GLI3: variants seen among roughly 807,000 people sequenced by gnomAD.
GLI3 encodes the protein GLI family zinc finger 3.
GLI3 carries 20 observed loss-of-function variants against 100.8 expected under a neutral mutation model. That is an observed-to-expected ratio of 0.20 (90% CI 0.14 to 0.29). GLI3 has a LOEUF of 0.29. Ranked by LOEUF, GLI3 falls within the 10% of genes least tolerant of loss-of-function variation. The pLI, the probability that GLI3 is intolerant of heterozygous loss-of-function variation, is 1.00. For synonymous variants in GLI3, 938 were observed against 860.5 expected, an observed-to-expected ratio of 1.09 and a Z score of -1.58; for missense variants, 2,040 against 2,128.5, an observed-to-expected ratio of 0.96 and a Z score of 0.82.
chr7:42,067,402 A>G (rs1363515472), intron 4 of GLI3, among the ~76,000 whole-genome samples: 1 of 152,226 alleles, frequency 6.6e-6, no homozygotes, highest in Non-Finnish European at 1.5e-5. Context: ...TATTCAAGCA[A>G]CATGGTTTGG....
At chr7:42,098,459 G>C (rs904831461) in intron 3 of GLI3, among the ~76,000 whole-genome samples, 3 of 152,004 alleles carry the variant, frequency 2.0e-5, no homozygotes, top group Admixed American at 1.3e-4. Flanking sequence ...CTGTTTCATG[G>C]GGCTCCTATT....
At chr7:42,092,831 A>ATTTATTTATTTATT (rs1562725064) in intron 3 of GLI3, among the ~76,000 whole-genome samples, 29 of 149,660 alleles carry the variant, frequency 1.9e-4, no homozygotes, top group African/African-American at 6.8e-4. Context: ...ATGTATTTAT[A>ATTTATTTATTTATT]GAGACGGAGT....
intron 4 of GLI3, among the ~76,000 whole-genome samples, chr7:42,049,713 C>G (rs1205873079): frequency 6.6e-6 from 1 of 152,004 alleles, no homozygotes; most frequent in Non-Finnish European, 1.5e-5. Context: ...CTAGAATGGC[C>G]AGTCTGCATA....
intron 4 of GLI3, among the ~76,000 whole-genome samples, chr7:42,075,047 A>T (rs890544900): frequency 6.6e-6 from 1 of 152,120 alleles, no homozygotes; most frequent in Non-Finnish European, 1.5e-5. Flanking sequence ...ACCACGGGCC[A>T]ATGCAGGTCA....
intron 3 of GLI3, among the ~76,000 whole-genome samples, chr7:42,135,011 A>C (rs902679368): frequency 6.6e-6 from 1 of 152,180 alleles, no homozygotes; most frequent in Admixed American, 6.5e-5. Flanking sequence ...TAAATTTGCC[A>C]TGGAGTCAAA....
At position 42,092,425 on chromosome 7, in the gene GLI3, G is replaced by A. The variant is rs575907482; in HGVS notation, c.368-15568C>T. On this transcript the variant is annotated intron_variant, in intron 3 of 14. Transcript: ENST00000395925. ...TCAAGACAAGAACCAGGGCAGGAGC[G>A]CAAAGCCCGTGGTGTGCTGTCAGGA... is the stretch of plus-strand genomic sequence containing the variant. Among the ~76,000 whole-genome samples, 9 of 152,298 alleles carry A rather than the reference G, an allele frequency of 5.9e-5. No homozygotes were observed. The South Asian group carries it at 1.5e-3, about 25-fold the overall frequency.
At chr7:42,172,768 T>C in intron 2 of GLI3, 1 of 615,736 alleles carries the variant, frequency 1.6e-6, no homozygotes, top group South Asian at 1.9e-5. Flanking sequence ...ACTTGGCTAT[T>C]ATCACCTTCT....
Position 42,006,756 on chromosome 7 carries a change from C to T in GLI3, c.1497+16712G>A, listed in dbSNP as rs1039017885. Among the ~76,000 whole-genome samples, 10 of 152,088 alleles carry T rather than the reference C, an allele frequency of 6.6e-5. No individual in the cohort carries two copies. The South Asian group carries it at 2.1e-3, about 32-fold the overall frequency. On this transcript the variant is annotated intron_variant, in intron 10 of 14. Coordinates refer to ENST00000395925, the MANE Select transcript of GLI3 (RefSeq NM_000168.6). ...AGAGCCCAAGTTTCTCAGGGGGAGA[C>T]ATTTCTGACACTTACAGGATCCCTA... is the stretch of plus-strand genomic sequence containing the variant.
rs913034015 is a variant in GLI3 at position 42,008,372 on chromosome 7, T to C, written c.1497+15096A>G. Among the ~76,000 whole-genome samples the C allele has an allele frequency of 2.0e-5, 3 of 152,212 alleles. No individual in the cohort carries two copies. The East Asian group carries it at 5.8e-4, about 29-fold the overall frequency. ...CAGGACAGCCAACCACCAACAAATA[T>C]TTGAAAGCAGTTATCATGTCCCTTG... On this transcript the variant is annotated intron_variant, in intron 10 of 14. Coordinates refer to ENST00000395925, the MANE Select transcript of GLI3 (RefSeq NM_000168.6).
intron 3 of GLI3, among the ~76,000 whole-genome samples, chr7:42,116,819 T>C (rs1562739061): frequency 2.0e-5 from 3 of 151,792 alleles, no homozygotes; most frequent in Admixed American, 6.6e-5. Context: ...CATAATTTAA[T>C]AAGAGGTCTC....
At chr7:42,191,485 TC>T (rs1787826165) in intron 2 of GLI3, among the ~76,000 whole-genome samples, 1 of 151,970 alleles carries the variant, frequency 6.6e-6, no homozygotes, top group Admixed American at 6.6e-5. Context: ...AAGCCCCATC[TC>T]TACTAAAAAT....
chr7:42,084,407 T>A (rs1378632457), intron 3 of GLI3, among the ~76,000 whole-genome samples: 1 of 152,178 alleles, frequency 6.6e-6, no homozygotes, highest in Non-Finnish European at 1.5e-5. Context: ...ACTTCTTCTG[T>A]CCGTAAGTCT....
chr7:41,998,926 C>T (rs1788206981), intron 10 of GLI3, among the ~76,000 whole-genome samples: 1 of 152,222 alleles, frequency 6.6e-6, no homozygotes, highest in Non-Finnish European at 1.5e-5. Flanking sequence ...TGTGTTTTCC[C>T]CCACACAGCC....
intron 6 of GLI3, among the ~76,000 whole-genome samples, chr7:42,042,758 C>T (rs1009140157): frequency 6.6e-6 from 1 of 152,136 alleles, no homozygotes; most frequent in South Asian, 2.1e-4. Context: ...TTGCTCATAG[C>T]CTGGCTGGAA....
At chr7:42,147,730 A>G (rs970393127) in intron 3 of GLI3, among the ~76,000 whole-genome samples, 8 of 152,244 alleles carry the variant, frequency 5.3e-5, no homozygotes, top group African/African-American at 1.9e-4. Flanking sequence ...ATTTTAAGGA[A>G]TTTAGCACAG....
chr7:42,258,284 A>T (rs1789106375), intron 1 of GLI3, among the ~76,000 whole-genome samples: 1 of 152,222 alleles, frequency 6.6e-6, no homozygotes, highest in Non-Finnish European at 1.5e-5. Context: ...CTGTATGACC[A>T]ACATTTTTAG....
chr7:42,148,308 T>G lies in GLI3; in HGVS notation c.285A>C (p.Pro95=), dbSNP rs769317652. Residue 95 remains proline, a synonymous_variant, in exon 3 of 15, where the codon CCA becomes CCC. Coordinates refer to ENST00000395925, the MANE Select transcript of GLI3 (RefSeq NM_000168.6). ...ACGGCACAGAGGGCTCCGCCACGTG[T>G]GGCAGGGACCCATGGATCTCTTTCT... ...LIKKEIHGSL[P]HVAEPSVPYR... 1.2e-6 allele frequency: 2 copies of G among 1,613,514 alleles called. No individual in the cohort carries two copies.
chr7:41,996,815 G>A (rs1392874057), intron 10 of GLI3, among the ~76,000 whole-genome samples: 1 of 152,080 alleles, frequency 6.6e-6, no homozygotes, highest in Non-Finnish European at 1.5e-5. Context: ...ATGCTTGGGG[G>A]AATTTTCAGG....
chr7:42,066,246 A>T (rs1034456291), intron 4 of GLI3, among the ~76,000 whole-genome samples: 3 of 152,152 alleles, frequency 2.0e-5, no homozygotes, highest in Non-Finnish European at 4.4e-5. Flanking sequence ...AGACCTCATC[A>T]AAGGACACCC....
Sources: gnomAD v4.1 joint callset for allele counts (sites outside exome capture counted in the v4.1 genomes callset) on GRCh38, gnomAD v4.1.1 for gene constraint, MANE v1.5 for transcripts, NCBI Gene and HGNC (gene_info 2026-07-23, HGNC 2026-07-21) for gene names.